RGS12: variants seen among roughly 807,000 people sequenced by gnomAD.
The protein encoded by RGS12 is regulator of G-protein signaling 12.
RGS12 carries 66 observed loss-of-function variants against 120.1 expected under a neutral mutation model. That is an observed-to-expected ratio of 0.55 (90% CI 0.45 to 0.67). The LOEUF (loss-of-function observed/expected upper bound fraction) is 0.67. Ranked by LOEUF, RGS12 falls within the 30% of genes least tolerant of loss-of-function variation. The pLI is 0.00. For missense variants in RGS12, 1,859 were observed against 1,957.7 expected (o/e 0.95, Z 0.95); for synonymous variants, 827 against 804.7 (o/e 1.03, Z -0.47).
chr4:3,313,962 A>G lies in RGS12; in HGVS notation c.-101-2108A>G, dbSNP rs373485662. On this transcript the variant is annotated intron_variant, in intron 1 of 17. Transcript: ENST00000336727. ...GATCCCCAGACGTGTTTCTTGGCCA[A>G]CTTTTACATTTATTTATTTATTTTT... 1.1e-4 allele frequency among the ~76,000 whole-genome samples: 16 copies of G among 152,012 alleles called. No individual in the cohort carries two copies. In the East Asian group the frequency reaches 3.1e-3, roughly 29 times the overall value.
rs1272708718 is a variant in RGS12 at position 3,317,902 on chromosome 4, A to G, written c.1732A>G (p.Lys578Glu). 1.2e-6 allele frequency: 2 copies of G among 1,613,946 alleles called. No homozygotes were observed. The highest frequency in any genetic ancestry group is 1.3e-5 in the African/African-American group (1 of 74,948). Residue 578 changes from lysine to glutamate, a missense_variant, in exon 2 of 18, where the codon AAG becomes GAG. Coordinates refer to ENST00000336727, the MANE Select transcript of RGS12 (RefSeq NM_001394154.1). ...CGGCACACTGCCCCCTCCTATGAGC[A>G]AGATCCCCGCAGACCGCTACAGGGT... ...NCGTLPPPMS[K>E]IPADRYRVEG...
intron 17 of RGS12, among the ~76,000 whole-genome samples, chr4:3,434,473 T>C (rs1017909587): frequency 3.3e-5 from 5 of 152,148 alleles, no homozygotes; most frequent in Admixed American, 3.3e-4. Flanking sequence ...GCACCTGCCA[T>C]GTGTCTGCAT....
chr4:3,413,451 G>C (rs1721976820), intron 4 of RGS12: 1 of 152,474 alleles, frequency 6.6e-6, no homozygotes, highest in Non-Finnish European at 1.5e-5. Context: ...CTGTGCCTGA[G>C]AGTTTCGTGT....
At chr4:3,304,744 C>G (rs1199191980) in intron 1 of RGS12, among the ~76,000 whole-genome samples, 1 of 152,204 alleles carries the variant, frequency 6.6e-6, no homozygotes, top group Non-Finnish European at 1.5e-5. Context: ...TTGAAACTAC[C>G]TGCTTTACAT....
At chr4:3,352,725 C>T (rs116825273) in intron 3 of RGS12, among the ~76,000 whole-genome samples, 1,989 of 152,224 alleles carry the variant, frequency 0.013, 60 homozygotes, top group African/African-American at 0.043. Flanking sequence ...AAGTAATTTG[C>T]GTATGTGTGT....
Position 3,425,627 on chromosome 4 carries a change from GAGCC to G in RGS12, c.3331+68_3331+71del, listed in dbSNP as rs1723534777. The G allele has an allele frequency of 3.4e-5, 40 of 1,187,582 alleles. 1 individual carries two copies. The Admixed American group carries it at 5.5e-4, about 16-fold the overall frequency. The allele number at this position is 1,187,582 out of a possible 1,614,324, so 73.6% of individuals were successfully genotyped here. On this transcript the variant is annotated intron_variant, in intron 14 of 17. Coordinates refer to ENST00000336727, the MANE Select transcript of RGS12 (RefSeq NM_001394154.1). The stretch of plus-strand genomic sequence containing the variant: ...GTCCAGTGCAGGGGAGGGGGCTATG[GAGCC>G]GGTGCAGGGGAGGGGGTGAGTGGGG...
chr4:3,387,963 G>A (rs183142196), intron 4 of RGS12, among the ~76,000 whole-genome samples: 2 of 152,316 alleles, frequency 1.3e-5, no homozygotes, highest in East Asian at 3.9e-4. Flanking sequence ...CACCTCCCAA[G>A]GGTGGGAAGT....
chr4:3,300,236 A>G (rs1723609566), intron 1 of RGS12, among the ~76,000 whole-genome samples: 1 of 152,168 alleles, frequency 6.6e-6, no homozygotes, highest in African/African-American at 2.4e-5. Context: ...ACTGTGTGCC[A>G]GGCTGCTGGA....
chr4:3,308,931 G>C (rs894781272), intron 1 of RGS12, among the ~76,000 whole-genome samples: 1 of 152,270 alleles, frequency 6.6e-6, no homozygotes, highest in Non-Finnish European at 1.5e-5. Flanking sequence ...TGCAGCCTGA[G>C]CCTGCGTGGA....
chr4:3,387,757 G>A (rs1029550132), intron 4 of RGS12, among the ~76,000 whole-genome samples: 7 of 152,170 alleles, frequency 4.6e-5, no homozygotes, highest in African/African-American at 1.2e-4. Flanking sequence ...TCTTTCTGCC[G>A]TGTTCTCACT....
At chr4:3,353,726 A>G (rs1714604418) in intron 3 of RGS12, among the ~76,000 whole-genome samples, 1 of 152,150 alleles carries the variant, frequency 6.6e-6, no homozygotes, top group Admixed American at 6.5e-5. Context: ...TTTGGGAACT[A>G]GGGAAATGAC....
Position 3,317,873 on chromosome 4 carries a change from A to T in RGS12, c.1703A>T (p.Asn568Ile), listed in dbSNP as rs201398861. ...TCCACCGATGGCTGGTCCAGCATCA[A>T]CTGCGGCACACTGCCCCCTCCTATG... ...TDSTDGWSSI[N>I]CGTLPPPMSK... The change falls in exon 2 of 18, where the codon AAC becomes ATC. Residue 568 changes from asparagine (N) to isoleucine (I), a missense_variant. By Grantham distance (149) the Asn-to-Ile change is moderately radical. Around this residue, in one of 3 missense-constraint regions of RGS12, gnomAD observed 967 missense variants for 994.2 expected, o/e 0.97. Transcript: ENST00000336727. 1 of 1,613,822 alleles carries T rather than the reference A, an allele frequency of 6.2e-7. No homozygotes were observed.
chr4:3,384,753 G>GT (rs1718650587), intron 3 of RGS12, among the ~76,000 whole-genome samples: 1 of 152,226 alleles, frequency 6.6e-6, no homozygotes, highest in Non-Finnish European at 1.5e-5. Flanking sequence ...GCCCCAGGTG[G>GT]TCTCACACAG....
rs753205418 is a variant in RGS12 at position 3,428,687 on chromosome 4, A to C, written c.3541A>C (p.Lys1181Gln). 1 of 1,595,102 alleles carries C rather than the reference A, an allele frequency of 6.3e-7. No homozygotes were observed. Among genetic ancestry groups the C allele is most frequent in the Admixed American group, 1.8e-5 (1 of 54,226 alleles). Residue 1181 changes from lysine to glutamine, a missense_variant, in exon 16 of 18, where the codon AAA becomes CAA. Lys to Gln is a moderately conservative substitution (Grantham distance 53). Coordinates refer to ENST00000336727, the MANE Select transcript of RGS12 (RefSeq NM_001394154.1). ...IAKIGKKKYQ[K>Q]INLDEAEEFF... The stretch of plus-strand genomic sequence containing the variant: ...AAAGATTGGGAAAAAAAAATATCAG[A>C]AAATTAATTTGGACGAAGCAGAGGG...
At chr4:3,329,709 T>A (rs754193031) in intron 2 of RGS12, among the ~76,000 whole-genome samples, 9 of 152,244 alleles carry the variant, frequency 5.9e-5, no homozygotes, top group Non-Finnish European at 1.3e-4. Flanking sequence ...GAATTAAATC[T>A]GTATCAGGTG....
chr4:3,346,883 C>A (rs1713847288), intron 3 of RGS12, among the ~76,000 whole-genome samples: 1 of 152,146 alleles, frequency 6.6e-6, no homozygotes, highest in African/African-American at 2.4e-5. Flanking sequence ...GTCTAGGAAC[C>A]CTTGAAGCAG....
At chr4:3,286,732 G>A in the RGS12 span, among the ~76,000 whole-genome samples, 53 of 152,312 alleles carry the variant, frequency 3.5e-4, no homozygotes, top group Non-Finnish European at 6.0e-4. Context: ...AAGGCTCAGC[G>A]GGAACGTGTT....
At chr4:3,341,997 A>G (rs114013828) in intron 2 of RGS12, among the ~76,000 whole-genome samples, 2,734 of 151,236 alleles carry the variant, frequency 0.018, 70 homozygotes, top group African/African-American at 0.06. Flanking sequence ...GGGGTGTGTC[A>G]GCGTGGTGGT....
rs369768646 is a variant in RGS12, at chr4:3,422,851, G to A, written c.3034-54G>A. 176 of 1,517,880 alleles carry A rather than the reference G, an allele frequency of 1.2e-4. 1 individual carries two copies. In the Admixed American group the frequency reaches 1.3e-3, roughly 11 times the overall value. The allele number at this position is 1,517,880 out of a possible 1,614,324, so 94.0% of individuals were successfully genotyped here. On this transcript the variant is annotated intron_variant, in intron 11 of 17. Coordinates refer to ENST00000336727, the MANE Select transcript of RGS12 (RefSeq NM_001394154.1). ...GTGTGCCTGGGGCACGTGGGTCTGCGTTTGGGGGGCTGCCTGCTGTGCCCA... is the reference window on the plus strand; with the variant it reads ...GTGTGCCTGGGGCACGTGGGTCTGCATTTGGGGGGCTGCCTGCTGTGCCCA...
Sources: gnomAD v4.1 joint callset for allele counts (sites outside exome capture counted in the v4.1 genomes callset) on GRCh38, gnomAD v4.1.1 for gene constraint, gnomAD v4.1.1 regional missense constraint, MANE v1.5 for transcripts, NCBI Gene and HGNC (gene_info 2026-07-23, HGNC 2026-07-21) for gene names.